The following AKAP13 variants were observed in gnomAD, a reference collection of about 807,000 sequenced individuals.
AKAP13 encodes the protein A-kinase anchoring protein 13.
AKAP13 carries 80 observed loss-of-function variants against 264.5 expected under a neutral mutation model. The observed-to-expected ratio is 0.30, with a 90% CI of 0.25 to 0.36. The LOEUF (loss-of-function observed/expected upper bound fraction) is 0.36, where lower values mean the gene tolerates loss of function less well. AKAP13 is among the 10% of genes least tolerant of loss of function. The pLI, the probability that AKAP13 is intolerant of heterozygous loss-of-function variation, is 1.00. For synonymous variants in AKAP13, 1,380 were observed against 1,250.2 expected (o/e 1.10, Z -2.19); for missense variants, 3,712 against 3,435.2 (o/e 1.08, Z -2.01).
chr15:85,555,738 A>C (rs2078120360), intron 5 of AKAP13, among the ~76,000 whole-genome samples: 1 of 152,154 alleles, frequency 6.6e-6, no homozygotes, highest in African/African-American at 2.4e-5. Context: ...GCAGAGACTG[A>C]TTGGTTGTTG....
At chr15:85,624,361 C>G (rs571955531) in intron 8 of AKAP13, 1 of 152,292 alleles carries the variant, frequency 6.6e-6, no homozygotes, top group East Asian at 1.9e-4. Flanking sequence ...ACTCACGACA[C>G]TTGGGCAGGC....
intron 2 of AKAP13, among the ~76,000 whole-genome samples, chr15:85,509,483 G>T (rs1323062456): frequency 6.6e-6 from 1 of 152,116 alleles, no homozygotes; most frequent in Non-Finnish European, 1.5e-5. Flanking sequence ...TAGGATTTTA[G>T]ATTTTTTTCT....
chr15:85,505,504 C>T (rs756975958), intron 2 of AKAP13, among the ~76,000 whole-genome samples: 3 of 152,150 alleles, frequency 2.0e-5, no homozygotes, highest in Admixed American at 6.5e-5. Flanking sequence ...TTTCATTGGC[C>T]AGTATCTTTA....
chr15:85,635,457 G>A (rs761861731), intron 8 of AKAP13, among the ~76,000 whole-genome samples: 30 of 151,816 alleles, frequency 2.0e-4, no homozygotes, highest in African/African-American at 2.4e-4. Flanking sequence ...TAAATATTCC[G>A]GGTAGGAGTT....
chr15:85,411,532 G>T (rs1216240246), intron 1 of AKAP13, among the ~76,000 whole-genome samples: 1 of 152,092 alleles, frequency 6.6e-6, no homozygotes, highest in Admixed American at 6.5e-5. Flanking sequence ...CCGCTTCCCG[G>T]GTTCACGCCA....
rs1018671464 is a variant in AKAP13, at chr15:85,726,279, C to G, written c.6746-131C>G. Reference sequence around the variant, plus strand: ...AACTGTTGCTTTGGAGGAGTGTGATCTCAGATCATAGTTTGCCCGTATAGG... The same window carrying G: ...AACTGTTGCTTTGGAGGAGTGTGATGTCAGATCATAGTTTGCCCGTATAGG... On this transcript the variant is annotated intron_variant, in intron 26 of 36. Coordinates refer to ENST00000394518, the MANE Select transcript of AKAP13 (RefSeq NM_007200.5). 6.5e-6 allele frequency: 4 copies of G among 617,714 alleles called. No homozygotes were observed. In the African/African-American group the frequency reaches 7.4e-5, roughly 11 times the overall value. The allele number at this position is 617,714 out of a possible 1,614,324, so 38.3% of individuals were successfully genotyped here.
At chr15:85,394,099 G>T (rs1376383734) in intron 1 of AKAP13, among the ~76,000 whole-genome samples, 1 of 152,112 alleles carries the variant, frequency 6.6e-6, no homozygotes, top group African/African-American at 2.4e-5. Flanking sequence ...CATTTAATTA[G>T]TTCATGTGTA....
intron 17 of AKAP13, among the ~76,000 whole-genome samples, chr15:85,698,312 A>T (rs2085680378): frequency 6.6e-6 from 1 of 151,810 alleles, no homozygotes; most frequent in Non-Finnish European, 1.5e-5. Context: ...ACTAAAATAC[A>T]AAAGTTAGTC....
chr15:85,657,653 C>A (rs962603683), intron 11 of AKAP13, among the ~76,000 whole-genome samples: 1 of 149,912 alleles, frequency 6.7e-6, no homozygotes, highest in Non-Finnish European at 1.5e-5. Flanking sequence ...TTTTTATATA[C>A]GTTTGAGACC....
chr15:85,618,658 C>G (rs1385484419), intron 8 of AKAP13, among the ~76,000 whole-genome samples: 6 of 152,092 alleles, frequency 3.9e-5, no homozygotes, highest in Non-Finnish European at 8.8e-5. Flanking sequence ...AGTAAGAAAA[C>G]AGGCAAATGA....
chr15:85,493,584 T>C (rs75401296), intron 2 of AKAP13, among the ~76,000 whole-genome samples: 3,680 of 152,308 alleles, frequency 0.024, 67 homozygotes, highest in Middle Eastern at 0.061. Context: ...TGAGATAATA[T>C]CTTACCTAGT....
intron 4 of AKAP13, 50 bp downstream of exon 4, chr15:85,533,930 A>C (rs1375903454): frequency 6.7e-7 from 1 of 1,499,658 alleles, no homozygotes; most frequent in Non-Finnish European, 8.9e-7. Context: ...TGATATTTCT[A>C]CTTTTTTTTT....
chr15:85,601,608 T>TTGTGTGTGTGTG (rs10574160), intron 8 of AKAP13, among the ~76,000 whole-genome samples: 20,838 of 131,724 alleles, frequency 0.16, 1,768 homozygotes, highest in Admixed American at 0.19. Context: ...CCTGAATTCT[T>TTGTGTGTGTGTG]TGTGTGTGTG....
chr15:85,515,627 G>A (rs1441449990), intron 2 of AKAP13, among the ~76,000 whole-genome samples: 1 of 138,502 alleles, frequency 7.2e-6, no homozygotes, highest in East Asian at 2.0e-4. Flanking sequence ...CTCTGGAACA[G>A]GACCTCAATC....
intron 8 of AKAP13, among the ~76,000 whole-genome samples, chr15:85,591,469 G>A (rs2079576734): frequency 6.6e-6 from 1 of 152,082 alleles, no homozygotes; most frequent in Non-Finnish European, 1.5e-5. Context: ...ACTATAATCT[G>A]TTTAGCTGCA....
intron 14 of AKAP13, chr15:85,670,590 A>G (rs1157373368): frequency 2.0e-5 from 3 of 151,258 alleles, no homozygotes; most frequent in African/African-American, 7.3e-5. Flanking sequence ...CTAAGAATAT[A>G]CATTGAATTA....
chr15:85,726,967 CT>C lies in AKAP13; in HGVS notation c.6823-93del. The C allele has an allele frequency of 2.2e-6, 3 of 1,343,582 alleles. No individual in the cohort carries two copies. The South Asian group carries it at 4.2e-5, about 19-fold the overall frequency. 83.2% of individuals were successfully genotyped at this position (1,343,582 alleles called of 1,614,324 possible). On this transcript the variant is annotated intron_variant, in intron 27 of 36. Coordinates refer to ENST00000394518, the MANE Select transcript of AKAP13 (RefSeq NM_007200.5). The stretch of plus-strand genomic sequence containing the variant: ...TAGCCCTTGTTTTTCAAACTATGTG[CT>C]TTTTTAACAGCATCTGGTCTTACCT...
At chr15:85,385,733 T>TA (rs2070525216) in intron 1 of AKAP13, among the ~76,000 whole-genome samples, 1 of 152,234 alleles carries the variant, frequency 6.6e-6, no homozygotes, top group Non-Finnish European at 1.5e-5. Flanking sequence ...ATCTTTTGCT[T>TA]AAAAAATGAG....
rs1326731069 is a variant in AKAP13, at chr15:85,684,556, G to C, written c.5157-185G>C. ...GCAAGACTGTCTCCAAAACAGACAA[G>C]TGAACAAGAAAACATTAGTGACGGA... On this transcript the variant is annotated intron_variant, in intron 15 of 36. Transcript: ENST00000394518. The C allele has an allele frequency of 5.1e-6, 3 of 589,690 alleles. No individual in the cohort carries two copies. In the African/African-American group the frequency reaches 5.6e-5, roughly 11 times the overall value. The allele number at this position is 589,690 out of a possible 1,614,324, so 36.5% of individuals were successfully genotyped here.
Sources: allele counts gnomAD v4.1 joint callset (sites outside exome capture counted in the v4.1 genomes callset), GRCh38; gene constraint gnomAD v4.1.1; transcripts MANE v1.5; gene names NCBI Gene and HGNC (gene_info 2026-07-23, HGNC 2026-07-21).